Variants in HPN observed in about 807,000 individuals in gnomAD.
HPN encodes the protein hepsin.
Under a neutral mutation model 55.9 loss-of-function variants are expected in HPN, and 13 were observed. The observed-to-expected ratio is 0.23, with a 90% CI of 0.15 to 0.37. The LOEUF (loss-of-function observed/expected upper bound fraction) is 0.37. Among genes scored for constraint, HPN ranks in the 10% least tolerant of loss-of-function variants. HPN has a pLI of 1.00. For synonymous variants in HPN, 225 were observed against 240.3 expected (o/e 0.94, Z 0.59); for missense variants, 451 against 575.8 (o/e 0.78, Z 2.22).
rs766922311 is a variant in HPN at position 35,060,634 on chromosome 19, C to T, written c.628C>T (p.Arg210Trp). The T allele has an allele frequency of 5.0e-6, 8 of 1,613,888 alleles. No homozygotes were observed. Among genetic ancestry groups the T allele is most frequent in the Admixed American group, 1.7e-5 (1 of 60,024 alleles). The change falls in exon 9 of 13, where the codon CGG (arginine) becomes TGG (tryptophan). Residue 210 changes from arginine (R) to tryptophan (W), a missense_variant. Transcript: ENST00000672452. ...CACCCCTTTCCCTGGTAGGCGGAAC[C>T]GGGTCCTGTCCCGATGGCGAGTGTT... The part of the protein sequence containing the change: ...TAAHCFPERN[R>W]VLSRWRVFAG...
At chr19:35,065,209 G>T (rs866425314) in intron 9 of HPN, 41 bp from the exon 10 acceptor site, 2 of 1,447,492 alleles carry the variant, frequency 1.4e-6, no homozygotes, top group Non-Finnish European at 9.6e-7. Flanking sequence ...ACCAGGTGGG[G>T]CAGGCCAGCG....
intron 2 of HPN, among the ~76,000 whole-genome samples, 169 bp downstream of exon 2, chr19:35,042,691 TC>T (rs2064306348): frequency 2.0e-5 from 3 of 152,130 alleles, no homozygotes; most frequent in Non-Finnish European, 2.9e-5. Flanking sequence ...AACCACATTT[TC>T]TGTGCAGCTG....
chr19:35,045,550 C>A (rs1277448985), intron 2 of HPN, among the ~76,000 whole-genome samples: 1 of 152,056 alleles, frequency 6.6e-6, no homozygotes, highest in Non-Finnish European at 1.5e-5. Context: ...CCTGGAGAAG[C>A]AGGGGCAGAG....
At chr19:35,047,030 G>A (rs1312437072) in intron 2 of HPN, among the ~76,000 whole-genome samples, 5 of 152,112 alleles carry the variant, frequency 3.3e-5, no homozygotes, top group South Asian at 2.1e-4. Context: ...GGGTTTCACC[G>A]TGTTAGCCAG....
chr19:35,041,675 C>CCGA, upstream of HPN: 1 of 1,121,906 alleles, frequency 8.9e-7, no homozygotes, highest in Non-Finnish European at 1.1e-6. Flanking sequence ...TGGTCCGGCC[C>CCGA]CTCCCCGCCC....
intron 2 of HPN, among the ~76,000 whole-genome samples, chr19:35,047,435 T>C (rs1236280914): frequency 1.3e-5 from 2 of 152,348 alleles, no homozygotes; most frequent in South Asian, 2.1e-4. Flanking sequence ...CTGTGATCCC[T>C]GATCCCCTGC....
chr19:35,041,682 GCCCCTTCACCC>G, upstream of HPN: 1 of 295,214 alleles, frequency 3.4e-6, no homozygotes, highest in Non-Finnish European at 4.3e-6. Flanking sequence ...GCCCCTCCCC[GCCCCTTCACCC>G]GCCCCTCGCC....
chr19:35,065,227 G>T, intron 9 of HPN, 23 bp from the exon 10 acceptor site: 1 of 1,588,474 alleles, frequency 6.3e-7, no homozygotes, highest in South Asian at 1.1e-5. Context: ...GCGGGGGCTG[G>T]ACCAGCATTG....
chr19:35,066,202 C>T (rs1418628875), intron 12 of HPN, 47 bp from the exon 13 acceptor site: 19 of 1,613,760 alleles, frequency 1.2e-5, no homozygotes, highest in East Asian at 2.2e-5. Context: ...AGTGGTGGGA[C>T]GTGGAAGCCT....
At chr19:35,053,791 T>G (rs2064428094) in intron 4 of HPN, among the ~76,000 whole-genome samples, 1 of 150,858 alleles carries the variant, frequency 6.6e-6, no homozygotes, top group East Asian at 2.0e-4. Flanking sequence ...TCCGCCCCCC[T>G]CCCCGCCCCA....
At position 35,059,982 on chromosome 19, in the gene HPN, G is replaced by A; in HGVS notation, c.399G>A (p.Glu133=). 1 of 1,572,214 alleles carries A rather than the reference G, an allele frequency of 6.4e-7. No individual in the cohort carries two copies. The highest frequency in any genetic ancestry group is 8.6e-7 in the Non-Finnish European group (1 of 1,157,658). The stretch of plus-strand genomic sequence containing the variant: ...TGCCCCACACCCAGAGGCTGCTGGA[G>A]GTCATCTCCGTGTGGTGAGGAGGGC... ...GRLPHTQRLL[E]VISVCDCPRG... The change falls in exon 6 of 13, where the codon GAG becomes GAA. Residue 133 remains glutamate, a synonymous_variant. Transcript: ENST00000672452.
intron 4 of HPN, among the ~76,000 whole-genome samples, chr19:35,053,313 G>T (rs2064422766): frequency 6.6e-6 from 1 of 151,924 alleles, no homozygotes. Flanking sequence ...GCAGTTAACA[G>T]TCATTTTAAA....
chr19:35,054,840 G>GA (rs2064439878), intron 4 of HPN, among the ~76,000 whole-genome samples: 1 of 152,154 alleles, frequency 6.6e-6, no homozygotes, highest in Non-Finnish European at 1.5e-5. Context: ...CTCAGCTGGG[G>GA]AGAGTTCTAC....
intron 2 of HPN, among the ~76,000 whole-genome samples, chr19:35,044,042 G>A (rs906449458): frequency 6.6e-6 from 1 of 152,230 alleles, no homozygotes; most frequent in African/African-American, 2.4e-5. Context: ...CGGGTGACCC[G>A]GGTTTGGTGG....
chr19:35,066,320 C>A lies in HPN; in HGVS notation c.*33C>A. ...CTTCTCGCTGCGCAGCCTCCAGGGCCCGAGGTGATCCCGGTGGTGGGATCC... is the reference window on the plus strand; with the variant it reads ...CTTCTCGCTGCGCAGCCTCCAGGGCACGAGGTGATCCCGGTGGTGGGATCC... On this transcript the variant is annotated 3_prime_UTR_variant, in exon 13 of 13. Transcript: ENST00000672452. 6.3e-7 allele frequency: 1 copy of A among 1,596,748 alleles called. No individual in the cohort carries two copies. Among genetic ancestry groups the A allele is most frequent in the South Asian group, 1.1e-5 (1 of 88,768 alleles).
intron 4 of HPN, among the ~76,000 whole-genome samples, chr19:35,058,443 A>G (rs2064481243): frequency 6.7e-6 from 1 of 148,786 alleles, no homozygotes; most frequent in Admixed American, 6.7e-5. Flanking sequence ...CTCCCAAATA[A>G]ATACATATTT....
chr19:35,061,236 G>T (rs1449867000), intron 9 of HPN, among the ~76,000 whole-genome samples: 2 of 152,204 alleles, frequency 1.3e-5, no homozygotes, highest in African/African-American at 4.8e-5. Context: ...GGTGGCTCAT[G>T]CCTGTAATCC....
rs562377974 is a variant in HPN, at chr19:35,060,223, C to T, written c.454+54C>T. ...CTTTAGGCCCTTGGGGAGGCCACGT[C>T]CCCTCAAGCTCCCCAGGATGGGGCC... On this transcript the variant is annotated intron_variant, in intron 7 of 12. Coordinates refer to ENST00000672452, the MANE Select transcript of HPN (RefSeq NM_001384133.1). 4.3e-6 allele frequency: 7 copies of T among 1,610,036 alleles called. No individual in the cohort carries two copies. In the South Asian group the frequency reaches 5.5e-5, roughly 13 times the overall value.
At chr19:35,055,590 A>T (rs2064446959) in intron 4 of HPN, among the ~76,000 whole-genome samples, 1 of 151,964 alleles carries the variant, frequency 6.6e-6, no homozygotes, top group Admixed American at 6.6e-5. Context: ...AAACCCTGTC[A>T]GCTGCACCTA....
Sources: gnomAD v4.1 joint callset for allele counts (sites outside exome capture counted in the v4.1 genomes callset) on GRCh38, gnomAD v4.1.1 for gene constraint, MANE v1.5 for transcripts, NCBI Gene and HGNC (gene_info 2026-07-23, HGNC 2026-07-21) for gene names.